Variants in FAXC observed in about 807,000 individuals in gnomAD.
The protein encoded by FAXC is failed axon connections homolog, metaxin like GST domain containing, also known as failed axon connections homolog.
A neutral mutation model predicts 41.9 loss-of-function variants in FAXC; 10 were observed. The ratio of observed to expected loss-of-function variants is 0.24; its 90% CI spans 0.15 to 0.41. The LOEUF (loss-of-function observed/expected upper bound fraction) is 0.41, where lower values mean the gene tolerates loss of function less well. FAXC is among the 10% of genes least tolerant of loss of function. The pLI is 1.00. For missense variants in FAXC, 399 were observed against 510.9 expected (o/e 0.78, Z 2.11); for synonymous variants, 183 against 183.8 (o/e 1.00, Z 0.03).
intron 5 of FAXC, among the ~76,000 whole-genome samples, chr6:99,286,537 T>C (rs1405657388): frequency 1.3e-5 from 2 of 152,218 alleles, no homozygotes; most frequent in Non-Finnish European, 2.9e-5. Flanking sequence ...TGGTGAAAGT[T>C]GCTGAATGAG....
At chr6:99,290,363 A>G (rs1392348855) in intron 5 of FAXC, among the ~76,000 whole-genome samples, 1 of 152,112 alleles carries the variant, frequency 6.6e-6, no homozygotes. Flanking sequence ...CATTACACAA[A>G]AAAAGTACTA....
chr6:99,295,039 T>C (rs1771428103), intron 4 of FAXC, among the ~76,000 whole-genome samples: 1 of 152,158 alleles, frequency 6.6e-6, no homozygotes. Context: ...AAAGACCATA[T>C]GGAAGAGCAG....
chr6:99,302,116 T>A (rs1474520162), intron 4 of FAXC, among the ~76,000 whole-genome samples: 2 of 152,070 alleles, frequency 1.3e-5, no homozygotes, highest in Admixed American at 1.3e-4. Flanking sequence ...TTGGGGAGGA[T>A]CTCCTTCCAA....
Position 99,275,206 on chromosome 6 carries a change from G to A in FAXC, c.*5958C>T, listed in dbSNP as rs756398417. 1 of 152,158 alleles carries A rather than the reference G, an allele frequency of 6.6e-6. No homozygotes were observed. Among genetic ancestry groups the A allele is most frequent in the Non-Finnish European group, 1.5e-5 (1 of 68,030 alleles). The allele number at this position is 152,158 out of a possible 1,614,324, so 9.4% of individuals were successfully genotyped here. On this transcript the variant is annotated 3_prime_UTR_variant, in exon 6 of 6. Transcript: ENST00000389677. ...GTGGGAGGTGAATTAGTCACATTTA[G>A]TAGCACAACTTTTTATAAAGTTAAC...
chr6:99,284,598 T>TGTGTGTGTGTGA (rs34495212), intron 5 of FAXC, among the ~76,000 whole-genome samples: 4,826 of 142,856 alleles, frequency 0.034, 158 homozygotes, highest in Admixed American at 0.076. Flanking sequence ...TGTGTGTGTG[T>TGTGTGTGTGTGA]GATAAGCCTG....
Position 99,277,407 on chromosome 6 carries a change from T to C in FAXC, c.*3757A>G, listed in dbSNP as rs902392084. 3 of 152,226 alleles carry C rather than the reference T, an allele frequency of 2.0e-5. No homozygotes were observed. The highest frequency in any genetic ancestry group is 7.2e-5 in the African/African-American group (3 of 41,446). 9.4% of individuals were successfully genotyped at this position (152,226 alleles called of 1,614,324 possible). A position where few individuals can be genotyped will look rare whatever the true frequency, so the allele number is the denominator to read the frequency against. ...AGTTCTATGCTGTTCTATTTGCCAC[T>C]CTACAACCAGTGTAGATCCCAGGGC... On this transcript the variant is annotated 3_prime_UTR_variant, in exon 6 of 6. Transcript: ENST00000389677.
chr6:99,304,414 C>T (rs1771833392), intron 4 of FAXC, among the ~76,000 whole-genome samples: 1 of 152,082 alleles, frequency 6.6e-6, no homozygotes, highest in Non-Finnish European at 1.5e-5. Context: ...AAATTGTCCC[C>T]ATTGAAGAAC....
chr6:99,348,346 A>C (rs1356582617), intron 1 of FAXC, among the ~76,000 whole-genome samples: 2 of 152,182 alleles, frequency 1.3e-5, no homozygotes, highest in Non-Finnish European at 2.9e-5. Context: ...CCCAAACAAA[A>C]ATCTCGTCCC....
intron 2 of FAXC, 132 bp from the exon 3 acceptor site, chr6:99,333,679 A>G (rs1773110287): frequency 1.3e-6 from 1 of 743,118 alleles, no homozygotes; most frequent in East Asian, 2.7e-5. Context: ...AACTCAGGGC[A>G]TAAACTCCTT....
In FAXC at chr6:99,281,382, C is replaced by G. The variant is rs751877005; in HGVS notation, c.1012G>C (p.Asp338His). 26 of 1,614,068 alleles carry G rather than the reference C, an allele frequency of 1.6e-5. No individual in the cohort carries two copies. Among genetic ancestry groups the G allele is most frequent in the Non-Finnish European group, 2.2e-5 (26 of 1,180,020 alleles). Residue 338 changes from aspartate to histidine, a missense_variant, in exon 6 of 6, where the codon GAT becomes CAT. Coordinates refer to ENST00000389677, the MANE Select transcript of FAXC (RefSeq NM_032511.4). ...TCAGACTCATAGATGGTATTGTCAT[C>G]ATCGTGGTGCCACTCTGGCCAAAAT... ...RKFWPEWHHD[D>H]DNTIYESEES...
rs1039236889 is a variant in FAXC, at chr6:99,319,293, C to G, written c.823+4151G>C. Among the ~76,000 whole-genome samples the G allele has an allele frequency of 2.7e-5, 4 of 150,262 alleles. No individual in the cohort carries two copies. In the East Asian group the frequency reaches 7.9e-4, roughly 30 times the overall value. On this transcript the variant is annotated intron_variant, in intron 4 of 5. Coordinates refer to ENST00000389677, the MANE Select transcript of FAXC (RefSeq NM_032511.4). The stretch of plus-strand genomic sequence containing the variant: ...GGGCGCCTGTAGTCCCAGCTACTTA[C>G]GAGGGTGAGACAGGAGAATGGCGTG...
At chr6:99,338,404 A>G (rs1039795161) in intron 2 of FAXC, among the ~76,000 whole-genome samples, 1 of 152,186 alleles carries the variant, frequency 6.6e-6, no homozygotes. Context: ...GATATGCTGC[A>G]GGTAAAGACA....
At chr6:99,314,706 T>C (rs1260533990) in intron 4 of FAXC, among the ~76,000 whole-genome samples, 1 of 152,228 alleles carries the variant, frequency 6.6e-6, no homozygotes, top group East Asian at 1.9e-4. Context: ...CATAAGACTG[T>C]GAGCTCAGCC....
At chr6:99,312,767 A>G (rs892328625) in intron 4 of FAXC, among the ~76,000 whole-genome samples, 1 of 152,208 alleles carries the variant, frequency 6.6e-6, no homozygotes, top group Admixed American at 6.5e-5. Context: ...TAGGAAAAAA[A>G]TCCTGAAGGT....
intron 4 of FAXC, among the ~76,000 whole-genome samples, chr6:99,310,994 T>C (rs2128456498): frequency 6.6e-6 from 1 of 152,210 alleles, no homozygotes; most frequent in East Asian, 1.9e-4. Flanking sequence ...CAAAGCTTTC[T>C]TAAAAACAAA....
chr6:99,311,094 G>A (rs1007516524), intron 4 of FAXC, among the ~76,000 whole-genome samples: 7 of 152,234 alleles, frequency 4.6e-5, no homozygotes, highest in Non-Finnish European at 7.3e-5. Flanking sequence ...TAGTAACAAT[G>A]GATGTAGAGT....
At chr6:99,302,868 A>T (rs57019067) in intron 4 of FAXC, among the ~76,000 whole-genome samples, 12,122 of 151,944 alleles carry the variant, frequency 0.08, 541 homozygotes, top group South Asian at 0.12. Flanking sequence ...AATTTACTTT[A>T]AAATACTTCT....
chr6:99,338,844 C>G (rs749938367), intron 2 of FAXC, among the ~76,000 whole-genome samples: 8 of 152,324 alleles, frequency 5.3e-5, no homozygotes, highest in Non-Finnish European at 1.0e-4. Context: ...CCCTGCTGCT[C>G]TCTCTGGACT....
rs1770469122 is a variant in FAXC, at chr6:99,273,015, T to C, written c.*8149A>G. 6.6e-6 allele frequency: 1 copy of C among 152,240 alleles called. No homozygotes were observed. The highest frequency in any genetic ancestry group is 1.5e-5 in the Non-Finnish European group (1 of 68,040). The allele number at this position is 152,240 out of a possible 1,614,324, so 9.4% of individuals were successfully genotyped here. On this transcript the variant is annotated 3_prime_UTR_variant, in exon 6 of 6. Transcript: ENST00000389677. ...CATTTATATACAGTAGTCAACATAG[T>C]GCACAATTCAAATCTATCTTACAAT... is the stretch of plus-strand genomic sequence containing the variant.
Sources: allele counts gnomAD v4.1 joint callset (sites outside exome capture counted in the v4.1 genomes callset), GRCh38; gene constraint gnomAD v4.1.1; transcripts MANE v1.5; gene names NCBI Gene and HGNC (gene_info 2026-07-23, HGNC 2026-07-21).